Variants in ASPA observed in about 807,000 individuals in gnomAD.
ASPA encodes ACY-2.
In ASPA, 25 loss-of-function variants were observed where a neutral mutation model predicts 29.6. The ratio of observed to expected loss-of-function variants is 0.85; its 90% CI spans 0.62 to 1.18. The LOEUF (loss-of-function observed/expected upper bound fraction) is 1.18. ASPA is among the 50% of genes most tolerant of loss of function. The pLI is 0.00. For missense variants in ASPA, 333 were observed against 385.7 expected (o/e 0.86, Z 1.14); for synonymous variants, 131 against 130.3 (o/e 1.01, Z -0.04).
rs2073799333 is a variant in ASPA at position 3,490,125 on chromosome 17, A to T, written c.634+783A>T. 6.6e-6 allele frequency among the ~76,000 whole-genome samples: 1 copy of T among 152,330 alleles called. No individual in the cohort carries two copies. The highest frequency in any genetic ancestry group is 1.5e-5 in the Non-Finnish European group (1 of 68,022). ...ATATATATGTTAACACATCACAGGG[A>T]AAGTCCTAGAAGAAAACACACCAAA... On this transcript the variant is annotated intron_variant, in intron 4 of 5. Transcript: ENST00000263080. The surrounding 1 kb of genome is among the most constrained non-coding windows in gnomAD (Gnocchi z 4.6).
chr17:3,475,419 CA>C (rs1208045575), upstream of ASPA: 3 of 152,002 alleles, frequency 2.0e-5, no homozygotes, highest in Non-Finnish European at 4.4e-5. Flanking sequence ...GGTATTTAGG[CA>C]AAAAATGAGG....
At chr17:3,483,694 G>T in intron 3 of ASPA, 102 bp downstream of exon 3, 5 of 1,149,442 alleles carry the variant, frequency 4.3e-6, no homozygotes, top group Non-Finnish European at 5.1e-6. Flanking sequence ...ACAGAGTCTT[G>T]CTCTGTCACC....
intron 2 of ASPA, among the ~76,000 whole-genome samples, chr17:3,483,146 C>G (rs1437020614): frequency 2.0e-5 from 3 of 151,848 alleles, no homozygotes; most frequent in African/African-American, 4.8e-5. Context: ...GTTTAAGAGA[C>G]CAATACCAAG....
rs1362653838 is a variant in ASPA, at chr17:3,502,950, T to C, written c.*3862T>C. 1 of 152,148 alleles carries C rather than the reference T, an allele frequency of 6.6e-6. No homozygotes were observed. The highest frequency in any genetic ancestry group is 2.4e-5 in the African/African-American group (1 of 41,410). The allele number at this position is 152,148 out of a possible 1,614,324, so 9.4% of individuals were successfully genotyped here. ...ATAGAAATGTGACCCACAGCTATGG[T>C]TTGCAAATACAGTCTTTCAAGAAGT... On this transcript the variant is annotated 3_prime_UTR_variant, in exon 6 of 6. Transcript: ENST00000263080.
In ASPA at chr17:3,503,391, T is replaced by G. The variant is rs2074012395; in HGVS notation, c.*4303T>G. On this transcript the variant is annotated 3_prime_UTR_variant, in exon 6 of 6. Transcript: ENST00000263080. ...CAAAATTATTTACATTGGAATAAAC[T>G]CTCTTCCTTCTGAATTCTGTAGTAA... 1 of 152,204 alleles carries G rather than the reference T, an allele frequency of 6.6e-6. No individual in the cohort carries two copies. The highest frequency in any genetic ancestry group is 6.5e-5 in the Admixed American group (1 of 15,278). 9.4% of individuals were successfully genotyped at this position (152,204 alleles called of 1,614,324 possible).
rs1231964365 is a variant in ASPA at position 3,488,600 on chromosome 17, T to C, written c.527-635T>C. Among the ~76,000 whole-genome samples the C allele has an allele frequency of 6.6e-6, 1 of 152,176 alleles. No homozygotes were observed. The highest frequency in any genetic ancestry group is 1.5e-5 in the Non-Finnish European group (1 of 68,030). On this transcript the variant is annotated intron_variant, in intron 3 of 5. Transcript: ENST00000263080. The surrounding 1 kb of genome is among the most constrained non-coding windows in gnomAD (Gnocchi z 6.1). ...TGAACCTGGGAGGCAGAGGTTGCAG[T>C]GAGCAGAAATCACACCACTGTACTC...
At chr17:3,477,149 C>T (rs905576697) in intron 1 of ASPA, among the ~76,000 whole-genome samples, 1 of 151,672 alleles carries the variant, frequency 6.6e-6, no homozygotes, top group Admixed American at 6.6e-5. Flanking sequence ...AGCAAGACTC[C>T]GTCTCAAAAA....
intron 4 of ASPA, among the ~76,000 whole-genome samples, chr17:3,489,944 C>A (rs1422518964): frequency 6.6e-6 from 1 of 152,194 alleles, no homozygotes; most frequent in Non-Finnish European, 1.5e-5. Flanking sequence ...ATGGAAACAG[C>A]ATGAATGTCC....
chr17:3,484,124 T>C (rs1365155078), intron 3 of ASPA, among the ~76,000 whole-genome samples: 1 of 152,244 alleles, frequency 6.6e-6, no homozygotes, highest in Non-Finnish European at 1.5e-5. Context: ...CTGTAATGCT[T>C]GGCCCTTCTA....
At position 3,485,462 on chromosome 17, in the gene ASPA, G is replaced by A. The variant is rs898862485; in HGVS notation, c.526+1870G>A. 7.9e-5 allele frequency among the ~76,000 whole-genome samples: 12 copies of A among 152,258 alleles called. No homozygotes were observed. The highest frequency in any genetic ancestry group is 2.2e-4 in the African/African-American group (9 of 41,558). On this transcript the variant is annotated intron_variant, in intron 3 of 5. Transcript: ENST00000263080. This position sits in a 1 kb window ranked among gnomAD's most constrained non-coding sequence, Gnocchi z 4.4. ...CCGGAGGTGGAGGTTGCAGTGAGCCGAGATCATGCCATTGCACTCCAGCCG... is the reference window on the plus strand; with the variant it reads ...CCGGAGGTGGAGGTTGCAGTGAGCCAAGATCATGCCATTGCACTCCAGCCG...
At chr17:3,480,376 G>A (rs897278176) in intron 1 of ASPA, among the ~76,000 whole-genome samples, 2 of 152,224 alleles carry the variant, frequency 1.3e-5, no homozygotes, top group Non-Finnish European at 2.9e-5. Flanking sequence ...ATAATTTGGT[G>A]GGTAGGGGGC....
rs2073522372 is a variant in ASPA at position 3,476,338 on chromosome 17, A to C, written c.179A>C (p.Lys60Thr). 2.5e-6 allele frequency: 4 copies of C among 1,614,056 alleles called. No individual in the cohort carries two copies. Among genetic ancestry groups the C allele is most frequent in the Non-Finnish European group, 3.4e-6 (4 of 1,180,036 alleles). Residue 60 changes from lysine to threonine, a missense_variant, in exon 1 of 6, where the codon AAG (lysine) becomes ACG (threonine). Coordinates refer to ENST00000263080, the MANE Select transcript of ASPA (RefSeq NM_000049.4). ...PFITNPRAVK[K>T]CTRYIDCDLN... The stretch of plus-strand genomic sequence containing the variant: ...ATTACTAACCCCAGAGCAGTGAAGA[A>C]GTGTACCAGATATATTGACTGTGAC...
rs2131517 is a variant in ASPA at position 3,488,156 on chromosome 17, T to C, written c.527-1079T>C. Among the ~76,000 whole-genome samples, 1 of 151,932 alleles carries C rather than the reference T, an allele frequency of 6.6e-6. No homozygotes were observed. The highest frequency in any genetic ancestry group is 6.6e-5 in the Admixed American group (1 of 15,244). ...ATGAGGGTAGTGCAGTTGGGGTAAA[T>C]GGTTTGCCAAATAGAGAAGGTGATG... On this transcript the variant is annotated intron_variant, in intron 3 of 5. Coordinates refer to ENST00000263080, the MANE Select transcript of ASPA (RefSeq NM_000049.4). The surrounding 1 kb of genome is among the most constrained non-coding windows in gnomAD (Gnocchi z 6.1).
intron 3 of ASPA, among the ~76,000 whole-genome samples, chr17:3,487,980 A>G (rs978262177): frequency 6.6e-6 from 1 of 152,266 alleles, no homozygotes; most frequent in African/African-American, 2.4e-5. Context: ...ACTTAAATAT[A>G]TGTTCATACA....
rs957073369 is a variant in ASPA, at chr17:3,502,105, C to T, written c.*3017C>T. ...TAAGAAATTGTCACGGCCATCCCAA[C>T]CCTCAGTGCCCAACCACCCTGATCA... On this transcript the variant is annotated 3_prime_UTR_variant, in exon 6 of 6. Coordinates refer to ENST00000263080, the MANE Select transcript of ASPA (RefSeq NM_000049.4). 1 of 152,232 alleles carries T rather than the reference C, an allele frequency of 6.6e-6. No individual in the cohort carries two copies. The highest frequency in any genetic ancestry group is 1.5e-5 in the Non-Finnish European group (1 of 68,042). The allele number at this position is 152,232 out of a possible 1,614,324, so 9.4% of individuals were successfully genotyped here. A position where few individuals can be genotyped will look rare whatever the true frequency, so the allele number is the denominator to read the frequency against.
intron 5 of ASPA, among the ~76,000 whole-genome samples, chr17:3,497,829 G>A (rs527293224): frequency 3.3e-5 from 5 of 152,288 alleles, no homozygotes; most frequent in Admixed American, 1.3e-4. Flanking sequence ...TGTTAGACAT[G>A]CAGAATCCCA....
rs529923250 is a variant in ASPA at position 3,501,675 on chromosome 17, G to A, written c.*2587G>A. On this transcript the variant is annotated 3_prime_UTR_variant, in exon 6 of 6. Transcript: ENST00000263080. ...CCTATTTTGAAATGAGTTCGGCTGG[G>A]AGAAGTGGCTCATGCCTGTCGTCCT... 117 of 156,566 alleles carry A rather than the reference G, an allele frequency of 7.5e-4. 1 individual carries two copies. In the South Asian group the frequency reaches 0.011, roughly 15 times the overall value. 9.7% of individuals were successfully genotyped at this position (156,566 alleles called of 1,614,324 possible). A position where few individuals can be genotyped will look rare whatever the true frequency, so the allele number is the denominator to read the frequency against.
In ASPA at chr17:3,486,091, C is replaced by T. The variant is rs866406325; in HGVS notation, c.526+2499C>T. Among the ~76,000 whole-genome samples the T allele has an allele frequency of 3.3e-5, 5 of 152,234 alleles. No individual in the cohort carries two copies. The Middle Eastern group carries it at 0.01, about 311-fold the overall frequency. On this transcript the variant is annotated intron_variant, in intron 3 of 5. Transcript: ENST00000263080. ...GGGATTACAGGTGCCCACCACCATACCCAGCAAATTTTTTGCATTTTTAGT... is the reference window on the plus strand; with the variant it reads ...GGGATTACAGGTGCCCACCACCATATCCAGCAAATTTTTTGCATTTTTAGT...
At chr17:3,480,456 G>A (rs149170739) in intron 1 of ASPA, among the ~76,000 whole-genome samples, 9 of 152,328 alleles carry the variant, frequency 5.9e-5, no homozygotes, top group South Asian at 2.1e-4. Flanking sequence ...GTCCTCTTGC[G>A]CTGAATCAGT....
Sources: gnomAD v4.1 joint callset for allele counts (sites outside exome capture counted in the v4.1 genomes callset) on GRCh38, gnomAD v4.1.1 for gene constraint, Gnocchi (gnomAD v3.1) non-coding constraint, MANE v1.5 for transcripts, NCBI Gene and HGNC (gene_info 2026-07-23, HGNC 2026-07-21) for gene names.